The following ZFPM1 variants were observed in gnomAD, a reference collection of about 807,000 sequenced individuals.
The protein encoded by ZFPM1 is zinc finger protein ZFPM1.
ZFPM1 carries 28 observed loss-of-function variants against 46.3 expected under a neutral mutation model. The observed-to-expected ratio is 0.60, with a 90% confidence interval of 0.45 to 0.83. The LOEUF (loss-of-function observed/expected upper bound fraction) is 0.83. ZFPM1 is among the 40% of genes least tolerant of loss of function. The pLI, the probability that ZFPM1 is intolerant of heterozygous loss-of-function variation, is 0.00. For missense variants in ZFPM1, 1,878 were observed against 1,432.4 expected (o/e 1.31, Z -5.02); for synonymous variants, 957 against 675.9 (o/e 1.42, Z -6.45).
In ZFPM1 at chr16:88,514,184, C is replaced by T. The variant is rs539179110; in HGVS notation, c.269-203C>T. ...CCAGCCACAGGCATCCTCCTGGCTG[C>T]GTCCCTACACCCCACAGTGCCCTAG... On this transcript the variant is annotated intron_variant, in intron 3 of 9. Transcript: ENST00000319555. 1.3e-3 allele frequency among the ~76,000 whole-genome samples: 198 copies of T among 152,294 alleles called. 1 individual carries two copies. The highest frequency in any genetic ancestry group is 4.4e-3 in the African/African-American group (182 of 41,560).
At chr16:88,488,888 G>C (rs1045347626) in intron 2 of ZFPM1, 143 bp from the exon 3 acceptor site, 22 of 1,277,030 alleles carry the variant, frequency 1.7e-5, no homozygotes, top group Admixed American at 7.3e-5. Flanking sequence ...ACCCCAGTGA[G>C]AGCGCACCAG....
chr16:88,482,819 G>C (rs1394405109), intron 1 of ZFPM1, among the ~76,000 whole-genome samples: 1 of 152,312 alleles, frequency 6.6e-6, no homozygotes, highest in Non-Finnish European at 1.5e-5. Context: ...CCTCTAGAAG[G>C]GGGAGGAGCC....
chr16:88,475,195 G>A (rs531857392), intron 1 of ZFPM1, among the ~76,000 whole-genome samples: 238 of 152,374 alleles, frequency 1.6e-3, no homozygotes, highest in Non-Finnish European at 2.8e-3. Context: ...AGCAGGCGAG[G>A]CAGGTGGACG....
At chr16:88,515,837 C>T (rs904302912) in intron 4 of ZFPM1, among the ~76,000 whole-genome samples, 6 of 152,172 alleles carry the variant, frequency 3.9e-5, no homozygotes, top group African/African-American at 1.2e-4. Flanking sequence ...TCACTGTACG[C>T]GTGTGAGCGG....
chr16:88,483,135 C>A (rs557899531), intron 1 of ZFPM1, among the ~76,000 whole-genome samples: 5 of 152,164 alleles, frequency 3.3e-5, no homozygotes, highest in African/African-American at 7.2e-5. Flanking sequence ...GAGCCCAGCC[C>A]CCTCCTATAA....
intron 4 of ZFPM1, 80 bp downstream of exon 4, chr16:88,514,600 A>C (rs1423578047): frequency 6.9e-7 from 1 of 1,450,830 alleles, no homozygotes; most frequent in Non-Finnish European, 9.1e-7. Context: ...CCCAGCTTAG[A>C]TGCCAGCTCC....
intron 3 of ZFPM1, among the ~76,000 whole-genome samples, chr16:88,495,014 A>T (rs768943243): frequency 9.2e-5 from 14 of 152,190 alleles, no homozygotes; most frequent in Non-Finnish European, 1.3e-4. Context: ...CATAATCTAT[A>T]ATCCCTGCAC....
chr16:88,484,323 C>G (rs562889647), intron 1 of ZFPM1, among the ~76,000 whole-genome samples: 1 of 152,344 alleles, frequency 6.6e-6, no homozygotes, highest in Non-Finnish European at 1.5e-5. Context: ...GTGCGGCTTG[C>G]TTGCCTCCAG....
chr16:88,477,652 A>G (rs1471785473), intron 1 of ZFPM1, among the ~76,000 whole-genome samples: 5 of 152,234 alleles, frequency 3.3e-5, no homozygotes, highest in Non-Finnish European at 5.9e-5. Flanking sequence ...CCGTGATTGC[A>G]CAGGCACACT....
chr16:88,506,375 G>A (rs910348022), intron 3 of ZFPM1, among the ~76,000 whole-genome samples: 5 of 152,114 alleles, frequency 3.3e-5, no homozygotes, highest in African/African-American at 9.7e-5. Flanking sequence ...AGGGCAGGGC[G>A]CTGGGGGGCC....
intron 6 of ZFPM1, chr16:88,530,405 A>G (rs976835542): frequency 6.6e-6 from 1 of 151,212 alleles, no homozygotes; most frequent in African/African-American, 2.4e-5. Context: ...CTGCTTCGGA[A>G]GGACACCACC....
intron 3 of ZFPM1, among the ~76,000 whole-genome samples, chr16:88,495,615 G>A (rs988495943): frequency 1.3e-5 from 2 of 152,208 alleles, no homozygotes; most frequent in Non-Finnish European, 2.9e-5. Flanking sequence ...GAGACCTGAC[G>A]CTAAGGGCAG....
Position 88,532,173 on chromosome 16 carries a change from C to T in ZFPM1, c.884C>T (p.Pro295Leu), listed in dbSNP as rs772973552. ...TYPNERVCPF[P>L]QCRKSCPSAS... ...CCCAACGAGCGCGTCTGCCCCTTCC[C>T]CCAGTGCCGCAAGAGCTGCCCCAGC... Residue 295 changes from proline to leucine, a missense_variant, in exon 7 of 10, where the codon CCC (proline) becomes CTC (leucine). Physicochemically the swap from Pro to Leu is moderately conservative, Grantham distance 98. Transcript: ENST00000319555. 1.9e-6 allele frequency: 3 copies of T among 1,611,934 alleles called. No homozygotes were observed. The South Asian group carries it at 3.3e-5, about 18-fold the overall frequency.
intron 3 of ZFPM1, among the ~76,000 whole-genome samples, chr16:88,502,092 T>TTATC (rs1910392176): frequency 6.7e-6 from 1 of 149,026 alleles, no homozygotes; most frequent in African/African-American, 2.5e-5. Flanking sequence ...ATTTATTTAT[T>TTATC]TATTTATTTA....
intron 3 of ZFPM1, among the ~76,000 whole-genome samples, chr16:88,505,789 C>T (rs1910620876): frequency 2.0e-5 from 3 of 152,140 alleles, no homozygotes; most frequent in Non-Finnish European, 2.9e-5. Flanking sequence ...TGCTGGTGGG[C>T]GGGTGCTTGG....
chr16:88,532,996 T>G, intron 9 of ZFPM1, 61 bp downstream of exon 9: 1 of 1,599,444 alleles, frequency 6.3e-7, no homozygotes, highest in East Asian at 2.2e-5. Flanking sequence ...GGGAAGGGAG[T>G]GGGCTTGTCG....
In ZFPM1 at chr16:88,497,114, G is replaced by A. The variant is rs970113916; in HGVS notation, c.268+7961G>A. ...TGAATTCCAGCTGATCACACAAGTC[G>A]TGACTTTTCCATCCCCACTCCATCC... is the stretch of plus-strand genomic sequence containing the variant. On this transcript the variant is annotated intron_variant, in intron 3 of 9. Coordinates refer to ENST00000319555, the MANE Select transcript of ZFPM1 (RefSeq NM_153813.3). The surrounding 1 kb of genome is among the most constrained non-coding windows in gnomAD (Gnocchi z 5.4). 4.6e-5 allele frequency among the ~76,000 whole-genome samples: 7 copies of A among 152,226 alleles called. No individual in the cohort carries two copies. Among genetic ancestry groups the A allele is most frequent in the African/African-American group, 9.6e-5 (4 of 41,454 alleles).
rs1165819717 is a variant in ZFPM1, at chr16:88,534,661, G to GCCCGCT, written c.2709_2714dup (p.Pro906_Ala907dup). The GCCCGCT allele has an allele frequency of 9.0e-6, 9 of 999,394 alleles. No individual in the cohort carries two copies. Among genetic ancestry groups the GCCCGCT allele is most frequent in the African/African-American group, 3.6e-5 (2 of 56,262 alleles). The allele number at this position is 999,394 out of a possible 1,614,324, so 61.9% of individuals were successfully genotyped here. The stretch of plus-strand genomic sequence containing the variant: ...GGACGCCGGCCGACCGCGGCCCCTC[G>GCCCGCT]CCCGCTCCCGCCCCCGCCGCCTCCC... On this transcript the variant is annotated inframe_insertion, in exon 10 of 10. Coordinates refer to ENST00000319555, the MANE Select transcript of ZFPM1 (RefSeq NM_153813.3).
chr16:88,475,994 G>T (rs1435204959), intron 1 of ZFPM1, among the ~76,000 whole-genome samples: 1 of 152,148 alleles, frequency 6.6e-6, no homozygotes, highest in Non-Finnish European at 1.5e-5. Flanking sequence ...TGGGGCTGAG[G>T]GGGTGTGGGT....
Sources: allele counts gnomAD v4.1 joint callset (sites outside exome capture counted in the v4.1 genomes callset), GRCh38; gene constraint gnomAD v4.1.1; non-coding constraint Gnocchi (gnomAD v3.1); transcripts MANE v1.5; gene names NCBI Gene and HGNC (gene_info 2026-07-23, HGNC 2026-07-21).